MTHFD1L: variants seen among roughly 807,000 people sequenced by gnomAD.
The protein encoded by MTHFD1L is methylenetetrahydrofolate dehydrogenase (NADP+ dependent) 1 like.
MTHFD1L carries 81 observed loss-of-function variants against 119.5 expected under a neutral mutation model. The ratio of observed to expected loss-of-function variants is 0.68; its 90% confidence interval spans 0.57 to 0.82. MTHFD1L has a LOEUF of 0.82. Ranked by LOEUF, MTHFD1L falls within the 40% of genes least tolerant of loss-of-function variation. MTHFD1L has a pLI of 0.00. For synonymous variants in MTHFD1L, 430 were observed against 475.2 expected, an observed-to-expected ratio of 0.90 and a Z score of 1.24; for missense variants, 1,125 against 1,253.4, an observed-to-expected ratio of 0.90 and a Z score of 1.55.
At position 150,929,024 on chromosome 6, in the gene MTHFD1L, C is replaced by T. The variant is rs1430606320; in HGVS notation, c.1256+2729C>T. Among the ~76,000 whole-genome samples, 8 of 152,218 alleles carry T rather than the reference C, an allele frequency of 5.3e-5. No individual in the cohort carries two copies. In the South Asian group the frequency reaches 1.7e-3, roughly 32 times the overall value. On this transcript the variant is annotated intron_variant, in intron 11 of 27. Coordinates refer to ENST00000367321, the MANE Select transcript of MTHFD1L (RefSeq NM_015440.5). ...TGAGCCCCTTTCCAACCTAGAACCC[C>T]AAACTTAATGTCCCCATAATCGAGT... is the stretch of plus-strand genomic sequence containing the variant.
At chr6:151,071,640 C>A (rs1426753227) in intron 26 of MTHFD1L, among the ~76,000 whole-genome samples, 1 of 151,938 alleles carries the variant, frequency 6.6e-6, no homozygotes, top group Admixed American at 6.6e-5. Flanking sequence ...ATTACAAGTT[C>A]AGAGAAAACG....
intron 19 of MTHFD1L, among the ~76,000 whole-genome samples, chr6:150,967,502 A>G (rs549855930): frequency 6.6e-6 from 1 of 152,336 alleles, no homozygotes; most frequent in East Asian, 1.9e-4. Context: ...ACTTGCAGGT[A>G]TAGTTACCAG....
At chr6:150,907,739 A>G (rs1786171374) in intron 8 of MTHFD1L, among the ~76,000 whole-genome samples, 1 of 152,188 alleles carries the variant, frequency 6.6e-6, no homozygotes, top group Non-Finnish European at 1.5e-5. Context: ...ATAGTAAGTG[A>G]AAAGGTTGTA....
At chr6:150,956,319 C>T (rs1441875840) in intron 17 of MTHFD1L, among the ~76,000 whole-genome samples, 1 of 151,896 alleles carries the variant, frequency 6.6e-6, no homozygotes, top group Non-Finnish European at 1.5e-5. Flanking sequence ...AATTGTGTTT[C>T]CAGGAAGAGC....
intron 1 of MTHFD1L, among the ~76,000 whole-genome samples, chr6:150,870,982 T>A (rs1313026147): frequency 6.9e-6 from 1 of 144,426 alleles, no homozygotes; most frequent in Non-Finnish European, 1.5e-5. Context: ...AAAATATATA[T>A]AATATAATAT....
chr6:150,981,131 T>C lies in MTHFD1L; in HGVS notation c.2125+9073T>C, dbSNP rs764541. Among the ~76,000 whole-genome samples, 1,253 of 152,276 alleles carry C rather than the reference T, an allele frequency of 8.2e-3. 20 individuals carry two copies. The highest frequency in any genetic ancestry group is 0.028 in the African/African-American group (1,180 of 41,552). ...ATTTCATTTTTAAATTACCACCATA[T>C]GTTATGAATGAGATGTGTGTCCTTG... On this transcript the variant is annotated intron_variant, in intron 20 of 27. Coordinates refer to ENST00000367321, the MANE Select transcript of MTHFD1L (RefSeq NM_015440.5).
intron 24 of MTHFD1L, among the ~76,000 whole-genome samples, chr6:151,024,599 C>T (rs532854752): frequency 5.9e-5 from 9 of 152,028 alleles, no homozygotes; most frequent in Admixed American, 1.3e-4. Context: ...GAGACTGAGG[C>T]GGGCAGATCA....
intron 15 of MTHFD1L, among the ~76,000 whole-genome samples, chr6:150,948,271 C>G (rs937845721): frequency 6.6e-6 from 1 of 151,080 alleles, no homozygotes; most frequent in Non-Finnish European, 1.5e-5. Flanking sequence ...CCTCCCAAAG[C>G]GCTGGGATTA....
intron 26 of MTHFD1L, among the ~76,000 whole-genome samples, chr6:151,085,411 G>A (rs1173679482): frequency 2.0e-5 from 3 of 152,100 alleles, no homozygotes; most frequent in Non-Finnish European, 1.5e-5. Context: ...CATGACTTAC[G>A]TCTTAGAAAG....
intron 26 of MTHFD1L, among the ~76,000 whole-genome samples, chr6:151,058,008 C>A (rs979472286): frequency 6.6e-6 from 1 of 152,152 alleles, no homozygotes; most frequent in Admixed American, 6.5e-5. Context: ...AACTCCTGAC[C>A]GCACATTATC....
intron 26 of MTHFD1L, among the ~76,000 whole-genome samples, chr6:151,090,501 C>T (rs1794278983): frequency 6.6e-6 from 1 of 152,262 alleles, no homozygotes; most frequent in Non-Finnish European, 1.5e-5. Flanking sequence ...TGCACAGGCC[C>T]ACAGGCCCCA....
At chr6:150,985,884 C>T (rs1392859167) in intron 20 of MTHFD1L, among the ~76,000 whole-genome samples, 2 of 152,110 alleles carry the variant, frequency 1.3e-5, no homozygotes, top group East Asian at 1.9e-4. Context: ...GAAACTCCAA[C>T]GTGAAAATTG....
chr6:151,099,175 CAA>C lies in MTHFD1L; in HGVS notation c.*32-2335_*32-2334del, dbSNP rs34747023. Reference sequence around the variant, plus strand: ...TGGGCAACAGAGCAAGACTCCATCTCAAAAAAAAAAAAAAAAAGTGGGACCAC... The same window carrying C: ...TGGGCAACAGAGCAAGACTCCATCTCAAAAAAAAAAAAAAAGTGGGACCAC... On this transcript the variant is annotated intron_variant, in intron 27 of 27. Transcript: ENST00000367321. 3.1e-3 allele frequency among the ~76,000 whole-genome samples: 383 copies of C among 124,316 alleles called. 3 individuals carry two copies. Among genetic ancestry groups the C allele is most frequent in the African/African-American group, 9.5e-3 (313 of 32,958 alleles). 81.6% of individuals were successfully genotyped at this position (124,316 alleles called of 152,430 possible). A position where few individuals can be genotyped will look rare whatever the true frequency, so the allele number is the denominator to read the frequency against.
intron 11 of MTHFD1L, among the ~76,000 whole-genome samples, chr6:150,928,201 C>T (rs1167722967): frequency 2.6e-5 from 4 of 151,982 alleles, no homozygotes; most frequent in African/African-American, 4.8e-5. Flanking sequence ...TTTGGGAGGC[C>T]GAGGCAGGTG....
At chr6:150,881,327 T>A (rs1364387488) in intron 4 of MTHFD1L, among the ~76,000 whole-genome samples, 1 of 152,228 alleles carries the variant, frequency 6.6e-6, no homozygotes, top group African/African-American at 2.4e-5. Context: ...TTCCCAGTGC[T>A]ATTTATTGAA....
chr6:150,901,460 A>G (rs753502819), intron 7 of MTHFD1L, among the ~76,000 whole-genome samples: 2 of 152,260 alleles, frequency 1.3e-5, no homozygotes, highest in Non-Finnish European at 2.9e-5. Flanking sequence ...CCTAGAGGAC[A>G]GAGTGAGACC....
intron 24 of MTHFD1L, among the ~76,000 whole-genome samples, chr6:151,017,920 C>T (rs1355747374): frequency 6.7e-6 from 1 of 149,370 alleles, no homozygotes; most frequent in East Asian, 2.0e-4. Context: ...CTGCAAGCTC[C>T]GCCTCCCGGG....
chr6:150,904,885 CAAAG>C (rs141190800), intron 7 of MTHFD1L, among the ~76,000 whole-genome samples: 3 of 152,240 alleles, frequency 2.0e-5, no homozygotes, highest in African/African-American at 7.2e-5. Flanking sequence ...ACCAAGGCCT[CAAAG>C]AAAGTGAAAT....
chr6:151,048,635 A>C (rs1031365895), intron 26 of MTHFD1L, among the ~76,000 whole-genome samples: 2 of 152,184 alleles, frequency 1.3e-5, no homozygotes, highest in Non-Finnish European at 2.9e-5. Flanking sequence ...TCAAGTGCCC[A>C]CAAATCCTAT....
Sources: gnomAD v4.1 joint callset for allele counts (sites outside exome capture counted in the v4.1 genomes callset) on GRCh38, gnomAD v4.1.1 for gene constraint, MANE v1.5 for transcripts, NCBI Gene and HGNC (gene_info 2026-07-23, HGNC 2026-07-21) for gene names.